The following RTN4RL1 variants were observed in gnomAD, a reference collection of about 807,000 sequenced individuals.
The protein encoded by RTN4RL1 is reticulon-4 receptor-like 1.
In RTN4RL1, 7 loss-of-function variants were observed where a neutral mutation model predicts 25.6. The observed-to-expected ratio is 0.27, with a 90% CI of 0.16 to 0.51. The LOEUF (loss-of-function observed/expected upper bound fraction) is 0.51, where lower values mean the gene tolerates loss of function less well. Ranked by LOEUF, RTN4RL1 falls within the 20% of genes least tolerant of loss-of-function variation. The pLI, the probability that RTN4RL1 is intolerant of heterozygous loss-of-function variation, is 0.97. For missense variants in RTN4RL1, 500 were observed against 615.6 expected (o/e 0.81, Z 1.99); for synonymous variants, 297 against 288.2 (o/e 1.03, Z -0.31).
intron 1 of RTN4RL1, among the ~76,000 whole-genome samples, chr17:1,968,850 T>C (rs750267899): frequency 6.6e-6 from 1 of 152,218 alleles, no homozygotes; most frequent in Non-Finnish European, 1.5e-5. Flanking sequence ...CCTGGCCTCA[T>C]AATTGTCAGT....
chr17:1,936,868 G>A lies in RTN4RL1; in HGVS notation c.954C>T (p.Leu318=). 1 of 1,596,194 alleles carries A rather than the reference G, an allele frequency of 6.3e-7. No homozygotes were observed. The highest frequency in any genetic ancestry group is 8.5e-7 in the Non-Finnish European group (1 of 1,171,124). The change falls in exon 2 of 2, where the codon CTC becomes CTT. Residue 318 remains leucine (L), a synonymous_variant. Coordinates refer to ENST00000331238, the MANE Select transcript of RTN4RL1 (RefSeq NM_178568.4). ...ASPHQIKSHT[L]TTTDRAARKE... ...TGCGGGCGGCCCTGTCGGTGGTGGT[G>A]AGCGTGTGTGACTTGATCTGGTGCG...
At position 1,935,949 on chromosome 17, in the gene RTN4RL1, C is replaced by T; in HGVS notation, c.*547G>A. The T allele has an allele frequency of 1.0e-6, 1 of 985,598 alleles. No individual in the cohort carries two copies. The highest frequency in any genetic ancestry group is 1.7e-5 in the African/African-American group (1 of 57,206). The allele number at this position is 985,598 out of a possible 1,614,324, so 61.1% of individuals were successfully genotyped here. ...GACATCAGGAATGAGAGGCGCTACC[C>T]CCGAGGGAGGGGCTGAAGGTGGAGT... On this transcript the variant is annotated 3_prime_UTR_variant, in exon 2 of 2. Coordinates refer to ENST00000331238, the MANE Select transcript of RTN4RL1 (RefSeq NM_178568.4).
At chr17:1,980,539 C>T (rs575525824) in intron 1 of RTN4RL1, among the ~76,000 whole-genome samples, 1 of 152,228 alleles carries the variant, frequency 6.6e-6, no homozygotes, top group African/African-American at 2.4e-5. Context: ...TGCCTCCCTC[C>T]CACTTCTTTA....
At chr17:1,965,254 C>A (rs577114040) in intron 1 of RTN4RL1, among the ~76,000 whole-genome samples, 1 of 151,636 alleles carries the variant, frequency 6.6e-6, no homozygotes, top group Non-Finnish European at 1.5e-5. Context: ...GGATTACAGG[C>A]GCGCGCCCCC....
intron 1 of RTN4RL1, among the ~76,000 whole-genome samples, chr17:1,991,306 G>T (rs1030644296): frequency 6.6e-6 from 1 of 152,070 alleles, no homozygotes; most frequent in Non-Finnish European, 1.5e-5. Context: ...CTGAGAAAAG[G>T]CCTGAGAATC....
intron 1 of RTN4RL1, among the ~76,000 whole-genome samples, chr17:1,969,626 C>G (rs2066809266): frequency 1.3e-5 from 2 of 152,204 alleles, no homozygotes; most frequent in South Asian, 4.1e-4. Flanking sequence ...AACTTGCCCA[C>G]TCCTCTGCCT....
Position 1,935,897 on chromosome 17 carries a change from G to C in RTN4RL1, c.*599C>G, listed in dbSNP as rs527756189. 1.0e-6 allele frequency: 1 copy of C among 985,592 alleles called. No homozygotes were observed. The highest frequency in any genetic ancestry group is 1.7e-5 in the African/African-American group (1 of 57,262). 61.1% of individuals were successfully genotyped at this position (985,592 alleles called of 1,614,324 possible). On this transcript the variant is annotated 3_prime_UTR_variant, in exon 2 of 2. Coordinates refer to ENST00000331238, the MANE Select transcript of RTN4RL1 (RefSeq NM_178568.4). ...AATTGGTTCTTGGACCCCAGCAGTT[G>C]GACCTGGGTCTGCCAGGGTTGCCTG...
At chr17:1,961,218 G>A (rs115986747) in intron 1 of RTN4RL1, among the ~76,000 whole-genome samples, 1,702 of 152,224 alleles carry the variant, frequency 0.011, 34 homozygotes, top group African/African-American at 0.037. Context: ...GGAAGAAAGC[G>A]GTGCTGCTGG....
In RTN4RL1 at chr17:1,937,121, G is replaced by C; in HGVS notation, c.701C>G (p.Ser234Trp). 1.2e-6 allele frequency: 2 copies of C among 1,610,026 alleles called. No homozygotes were observed. Among genetic ancestry groups the C allele is most frequent in the Non-Finnish European group, 1.7e-6 (2 of 1,178,714 alleles). Residue 234 changes from serine to tryptophan, a missense_variant, in exon 2 of 2, where the codon TCG (serine) becomes TGG (tryptophan). Physicochemically the swap from Ser to Trp is radical, Grantham distance 177. This residue lies in a region of RTN4RL1 where 232 missense variants were observed against 341.1 expected (regional missense o/e 0.68). Coordinates refer to ENST00000331238, the MANE Select transcript of RTN4RL1 (RefSeq NM_178568.4). ...TTLFLFNNSL[S>W]ELQGECLAPL... The stretch of plus-strand genomic sequence containing the variant: ...GGCCAGGCACTCACCCTGCAGCTCC[G>C]AGAGGCTGTTGTTGAAGAGGAAGAG...
intron 1 of RTN4RL1, among the ~76,000 whole-genome samples, chr17:1,947,920 G>A (rs1185083971): frequency 2.0e-5 from 3 of 152,204 alleles, no homozygotes; most frequent in African/African-American, 7.2e-5. Flanking sequence ...GGCTCCTCAG[G>A]TGCACTCAGT....
At position 1,937,045 on chromosome 17, in the gene RTN4RL1, A is replaced by G. The variant is rs765788540; in HGVS notation, c.777T>C (p.Cys259=). The change falls in exon 2 of 2, where the codon TGT becomes TGC. Residue 259 remains cysteine, a synonymous_variant. Transcript: ENST00000331238. ...FLRLNGNPWD[C]GCRARSLWEW... is the part of the protein sequence containing the mutation. ...CCCACAGGGAGCGCGCGCGACAACCACAGTCCCAGGGGTTGCCGTTGAGGC... is the reference window on the plus strand; with the variant it reads ...CCCACAGGGAGCGCGCGCGACAACCGCAGTCCCAGGGGTTGCCGTTGAGGC... 3.1e-5 allele frequency: 49 copies of G among 1,605,096 alleles called. No individual in the cohort carries two copies. The highest frequency in any genetic ancestry group is 3.8e-5 in the Non-Finnish European group (45 of 1,177,900).
intron 1 of RTN4RL1, among the ~76,000 whole-genome samples, chr17:1,965,610 A>T (rs1428894863): frequency 6.6e-6 from 1 of 152,112 alleles, no homozygotes; most frequent in Non-Finnish European, 1.5e-5. Context: ...GTGGAGGAGC[A>T]GGGCAGGCCA....
At chr17:1,939,138 G>C (rs1038465378) in intron 1 of RTN4RL1, among the ~76,000 whole-genome samples, 9 of 152,094 alleles carry the variant, frequency 5.9e-5, no homozygotes, top group Middle Eastern at 3.4e-3. Context: ...GGATCACGAG[G>C]TCAGGAGATC....
In RTN4RL1 at chr17:1,970,179, G is replaced by A. The variant is rs533450994; in HGVS notation, c.14-32371C>T. 4.6e-5 allele frequency among the ~76,000 whole-genome samples: 7 copies of A among 152,164 alleles called. No homozygotes were observed. In the East Asian group the frequency reaches 1.2e-3, roughly 25 times the overall value. On this transcript the variant is annotated intron_variant, in intron 1 of 1. Transcript: ENST00000331238. ...TGGGATTACAGGCACATGCCACCAC[G>A]CCTGGCCAATTTTCTGTATTTAGTA...
rs944549209 is a variant in RTN4RL1, at chr17:1,936,668, T to C, written c.1154A>G (p.Gln385Arg). The stretch of plus-strand genomic sequence containing the variant: ...CATGATGTCAAAACTGAACTTGTGC[T>C]GGTAGTCTGGGGCATAGTCTGGCAG... ...PELPDYAPDY[Q>R]HKFSFDIMPT... Residue 385 changes from glutamine (Q) to arginine (R), a missense_variant, in exon 2 of 2, where the codon CAG (glutamine) becomes CGG (arginine). Physicochemically the swap from Gln to Arg is conservative, Grantham distance 43. This residue lies in a region of RTN4RL1 where 268 missense variants were observed against 274.5 expected (regional missense o/e 0.98). Coordinates refer to ENST00000331238, the MANE Select transcript of RTN4RL1 (RefSeq NM_178568.4). 1 of 1,586,940 alleles carries C rather than the reference T, an allele frequency of 6.3e-7. No homozygotes were observed. The highest frequency in any genetic ancestry group is 8.6e-7 in the Non-Finnish European group (1 of 1,168,136).
intron 1 of RTN4RL1, among the ~76,000 whole-genome samples, chr17:1,977,122 C>T (rs1030182609): frequency 2.0e-5 from 3 of 152,188 alleles, no homozygotes; most frequent in African/African-American, 7.2e-5. Context: ...TTAAAGATGC[C>T]GTATCCAGTT....
At chr17:1,999,596 C>A (rs2151321817) in intron 1 of RTN4RL1, among the ~76,000 whole-genome samples, 1 of 152,190 alleles carries the variant, frequency 6.6e-6, no homozygotes, top group Non-Finnish European at 1.5e-5. Flanking sequence ...CACACACGTA[C>A]ACAGAACATC....
chr17:1,944,327 C>G (rs994996568), intron 1 of RTN4RL1, among the ~76,000 whole-genome samples: 5 of 152,184 alleles, frequency 3.3e-5, no homozygotes, highest in African/African-American at 1.2e-4. Flanking sequence ...ACGTCGGCCT[C>G]CCCCACATCT....
chr17:1,952,633 A>G (rs11653584), intron 1 of RTN4RL1, among the ~76,000 whole-genome samples: 67,333 of 150,318 alleles, frequency 0.45, 15,892 homozygotes, highest in Middle Eastern at 0.57. Context: ...GTGAGCCACC[A>G]CACCCGGCCT....
Sources: gnomAD v4.1 joint callset for allele counts (sites outside exome capture counted in the v4.1 genomes callset) on GRCh38, gnomAD v4.1.1 for gene constraint, gnomAD v4.1.1 regional missense constraint, MANE v1.5 for transcripts, NCBI Gene and HGNC (gene_info 2026-07-23, HGNC 2026-07-21) for gene names.